Variants in SOX5 observed in about 807,000 individuals in gnomAD.
SOX5 encodes the protein SRY-box transcription factor 5.
In SOX5, 9 loss-of-function variants were observed where a neutral mutation model predicts 92.0. The ratio of observed to expected loss-of-function variants is 0.10; its 90% CI spans 0.06 to 0.17. The LOEUF (loss-of-function observed/expected upper bound fraction) is 0.17. Among genes scored for constraint, SOX5 ranks in the 10% least tolerant of loss-of-function variants. The pLI is 1.00. For missense variants in SOX5, 642 were observed against 944.5 expected, an observed-to-expected ratio of 0.68 and a Z score of 4.20; for synonymous variants, 344 against 336.3, an observed-to-expected ratio of 1.02 and a Z score of -0.25.
At chr12:24,297,099 T>C (rs952106087) in intron 2 of SOX5, among the ~76,000 whole-genome samples, 2 of 152,226 alleles carry the variant, frequency 1.3e-5, no homozygotes, top group Non-Finnish European at 2.9e-5. Flanking sequence ...CAGTTTTAAC[T>C]TAGAGGAAAC....
At chr12:23,868,552 A>AT (rs1241167344) in intron 2 of SOX5, among the ~76,000 whole-genome samples, 1 of 152,090 alleles carries the variant, frequency 6.6e-6, no homozygotes, top group African/African-American at 2.4e-5. Context: ...ATGTACAAGT[A>AT]TTTTTCTGAC....
At chr12:23,843,570 T>TC in intron 3 of SOX5, among the ~76,000 whole-genome samples, 1 of 132,316 alleles carries the variant, frequency 7.6e-6, no homozygotes, top group Admixed American at 7.7e-5. Flanking sequence ...TTTTTTTTTT[T>TC]TTTTTTTTTT....
intron 6 of SOX5, among the ~76,000 whole-genome samples, chr12:23,700,976 C>A (rs927017841): frequency 1.3e-5 from 2 of 151,358 alleles, no homozygotes; most frequent in Non-Finnish European, 2.9e-5. Context: ...TATACAAACA[C>A]ACACATATAT....
intron 4 of SOX5, among the ~76,000 whole-genome samples, chr12:24,156,749 A>C (rs894751533): frequency 2.6e-5 from 4 of 152,312 alleles, no homozygotes; most frequent in African/African-American, 9.6e-5. Context: ...GAAGAGCATA[A>C]GTTGTCCATA....
chr12:23,629,574 A>G (rs2078269566), intron 8 of SOX5, among the ~76,000 whole-genome samples: 1 of 152,112 alleles, frequency 6.6e-6, no homozygotes, highest in African/African-American at 2.4e-5. Flanking sequence ...AACTTAATAT[A>G]TAAAACAAAT....
chr12:23,844,720 A>G (rs907022417), intron 3 of SOX5, among the ~76,000 whole-genome samples: 1 of 152,150 alleles, frequency 6.6e-6, no homozygotes, highest in Non-Finnish European at 1.5e-5. Flanking sequence ...AGGAATAGCT[A>G]TGACTTCAGG....
chr12:24,543,332 A>G (rs1262180580), intron 1 of SOX5, among the ~76,000 whole-genome samples: 1 of 152,260 alleles, frequency 6.6e-6, no homozygotes, highest in Non-Finnish European at 1.5e-5. Context: ...AAAGGTTTAA[A>G]TGAATGAATA....
rs546512173 is a variant in SOX5, at chr12:24,412,617, T to C, written c.-250-43978A>G. ...TTCTCTTTCTGTTATTGATTTCTAATTTGATTCCATGGTGGTCAAAAAATA... is the reference window on the plus strand; with the variant it reads ...TTCTCTTTCTGTTATTGATTTCTAACTTGATTCCATGGTGGTCAAAAAATA... On this transcript the variant is annotated intron_variant, in intron 1 of 4. Coordinates refer to the SOX5 transcript ENST00000446891. Among the ~76,000 whole-genome samples the C allele has an allele frequency of 4.6e-5, 7 of 152,244 alleles. No homozygotes were observed. In the East Asian group the frequency reaches 1.2e-3, roughly 25 times the overall value.
intron 4 of SOX5, among the ~76,000 whole-genome samples, chr12:24,036,285 T>A (rs886561137): frequency 6.6e-6 from 1 of 152,092 alleles, no homozygotes; most frequent in East Asian, 1.9e-4. Context: ...GCCCAGTGCC[T>A]CCTGGGCCTT....
At chr12:23,997,607 T>G (rs73285904) in intron 4 of SOX5, among the ~76,000 whole-genome samples, 175 of 152,282 alleles carry the variant, frequency 1.1e-3, no homozygotes, top group African/African-American at 4.1e-3. Context: ...CTGAATGTGA[T>G]GCCTTATACA....
intron 8 of SOX5, among the ~76,000 whole-genome samples, chr12:23,617,128 G>GAAAAA (rs34672362): frequency 5.7e-5 from 6 of 106,188 alleles, no homozygotes; most frequent in South Asian, 3.5e-4. Context: ...TCTGTCTCAA[G>GAAAAA]AAAAAAAAAA....
chr12:23,871,990 ATTCTTTTTTTTTTT>A (rs1418322936), intron 2 of SOX5, among the ~76,000 whole-genome samples: 2 of 148,412 alleles, frequency 1.3e-5, no homozygotes, highest in Non-Finnish European at 3.0e-5. Flanking sequence ...TATTACATTT[ATTCTTTTTTTTTTT>A]TTCTTTTTTT....
At chr12:23,745,662 TA>T (rs1343308945) in intron 4 of SOX5, among the ~76,000 whole-genome samples, 2 of 152,182 alleles carry the variant, frequency 1.3e-5, no homozygotes, top group East Asian at 3.9e-4. Context: ...AGTCTCTCCC[TA>T]AACATTCATT....
chr12:23,645,400 T>C (rs2138868405), intron 7 of SOX5, among the ~76,000 whole-genome samples: 1 of 152,304 alleles, frequency 6.6e-6, no homozygotes, highest in South Asian at 2.1e-4. Context: ...TGGGAAACTT[T>C]TAATACTCCA....
At chr12:23,865,809 G>A (rs548128027) in intron 2 of SOX5, among the ~76,000 whole-genome samples, 22 of 152,292 alleles carry the variant, frequency 1.4e-4, no homozygotes, top group South Asian at 1.2e-3. Context: ...AAGAACATTC[G>A]TGATGCAAGG....
At chr12:23,845,863 G>A (rs1171397941) in intron 3 of SOX5, 120 bp downstream of exon 3, 33 of 773,322 alleles carry the variant, frequency 4.3e-5, no homozygotes, top group Non-Finnish European at 7.0e-5. Context: ...CATAGCAATA[G>A]GTTTCCATCT....
intron 4 of SOX5, among the ~76,000 whole-genome samples, chr12:24,135,626 C>T (rs1950042798): frequency 6.6e-6 from 1 of 152,172 alleles, no homozygotes; most frequent in Non-Finnish European, 1.5e-5. Context: ...ATAAATGTCA[C>T]TTATAATAAT....
chr12:24,356,173 T>A (rs542136194), intron 2 of SOX5, among the ~76,000 whole-genome samples: 2 of 152,230 alleles, frequency 1.3e-5, no homozygotes, highest in Admixed American at 1.3e-4. Context: ...AAATAATCCC[T>A]TAAGTATTTA....
At chr12:24,063,229 T>C (rs1269937924) in intron 4 of SOX5, among the ~76,000 whole-genome samples, 4 of 152,192 alleles carry the variant, frequency 2.6e-5, no homozygotes, top group Non-Finnish European at 5.9e-5. Context: ...TAATTACATA[T>C]AGTTTGCTTC....
Sources: gnomAD v4.1 joint callset for allele counts (sites outside exome capture counted in the v4.1 genomes callset) on GRCh38, gnomAD v4.1.1 for gene constraint, MANE v1.5 for transcripts, NCBI Gene and HGNC (gene_info 2026-07-23, HGNC 2026-07-21) for gene names.